The following SEPTIN11 variants were observed in gnomAD, a reference collection of about 807,000 sequenced individuals.
The protein encoded by SEPTIN11 is septin 11, also known as septin-11.
In SEPTIN11, 25 loss-of-function variants were observed where a neutral mutation model predicts 51.4. The observed-to-expected ratio is 0.49, with a 90% confidence interval of 0.35 to 0.68. The LOEUF (loss-of-function observed/expected upper bound fraction) is 0.68, where lower values mean the gene tolerates loss of function less well. SEPTIN11 is among the 30% of genes least tolerant of loss of function. The probability of loss-of-function intolerance (pLI) is 0.00; values close to 1 mark genes in which losing one functional copy is unlikely to be tolerated. For synonymous variants in SEPTIN11, 174 were observed against 184.1 expected, an observed-to-expected ratio of 0.95 and a Z score of 0.44; for missense variants, 381 against 520.8, an observed-to-expected ratio of 0.73 and a Z score of 2.61.
intron 1 of SEPTIN11, among the ~76,000 whole-genome samples, chr4:76,980,409 G>A (rs1722713316): frequency 1.3e-5 from 2 of 152,198 alleles, no homozygotes; most frequent in South Asian, 2.1e-4. Flanking sequence ...GGGCTAAAGG[G>A]TGGATAGGAA....
chr4:76,991,679 G>A (rs952071659), intron 1 of SEPTIN11, among the ~76,000 whole-genome samples: 1 of 152,146 alleles, frequency 6.6e-6, no homozygotes, highest in Admixed American at 6.5e-5. Flanking sequence ...AATTTCCCTA[G>A]ACAAAAACTA....
intron 8 of SEPTIN11, among the ~76,000 whole-genome samples, chr4:77,030,540 G>A (rs1726541045): frequency 6.6e-6 from 1 of 151,966 alleles, no homozygotes; most frequent in Admixed American, 6.6e-5. Flanking sequence ...GGGATTACAG[G>A]CACCCGCCAC....
At chr4:76,995,979 TC>T in intron 1 of SEPTIN11, 1 of 1,517,110 alleles carries the variant, frequency 6.6e-7, no homozygotes, top group Middle Eastern at 1.7e-4. Context: ...GTATGAATCC[TC>T]CACTGTGAGC....
intron 9 of SEPTIN11, among the ~76,000 whole-genome samples, chr4:77,033,882 C>A (rs920880982): frequency 6.6e-6 from 1 of 152,152 alleles, no homozygotes; most frequent in African/African-American, 2.4e-5. Context: ...AAATTAGACA[C>A]GTGGACCGTG....
chr4:77,003,429 C>G (rs926618392), intron 2 of SEPTIN11, among the ~76,000 whole-genome samples: 10 of 152,164 alleles, frequency 6.6e-5, no homozygotes, highest in Admixed American at 5.2e-4. Flanking sequence ...AGACCAGATT[C>G]TAAGATGTGG....
chr4:77,016,611 T>TTC (rs1725262987), intron 5 of SEPTIN11, among the ~76,000 whole-genome samples: 1 of 82,886 alleles, frequency 1.2e-5, no homozygotes, highest in Non-Finnish European at 2.2e-5. Context: ...TATATATATA[T>TTC]ACACATATAT....
At chr4:76,964,231 T>C (rs1424677492) in intron 1 of SEPTIN11, among the ~76,000 whole-genome samples, 1 of 150,760 alleles carries the variant, frequency 6.6e-6, no homozygotes, top group African/African-American at 2.4e-5. Flanking sequence ...TACACAAGAG[T>C]AGAGAAAATA....
At chr4:76,996,653 A>C (rs1425823317) in intron 2 of SEPTIN11, 114 bp downstream of exon 2, 1 of 810,572 alleles carries the variant, frequency 1.2e-6, no homozygotes, top group East Asian at 2.6e-5. Context: ...TCTTTCTTTC[A>C]TCAGTAAAAC....
chr4:76,962,771 A>C (rs1396175319), intron 1 of SEPTIN11, among the ~76,000 whole-genome samples: 2 of 152,212 alleles, frequency 1.3e-5, no homozygotes, highest in Non-Finnish European at 2.9e-5. Context: ...TTGGAAAGGC[A>C]AAGTTATTTT....
chr4:77,000,044 C>T (rs1724013782), intron 2 of SEPTIN11, among the ~76,000 whole-genome samples: 1 of 152,192 alleles, frequency 6.6e-6, no homozygotes, highest in Non-Finnish European at 1.5e-5. Flanking sequence ...ATGATACTAA[C>T]TCTACGAAAA....
intron 1 of SEPTIN11, among the ~76,000 whole-genome samples, chr4:76,950,418 C>T (rs1721280892): frequency 6.6e-6 from 1 of 152,208 alleles, no homozygotes; most frequent in African/African-American, 2.4e-5. Context: ...GCCTCCCCAG[C>T]GCATTGTGAG....
In SEPTIN11 at chr4:77,035,824, C is replaced by G; in HGVS notation, c.*1312C>G. ...GAAGAGTGCATATTTAATCTCTTTT[C>G]TATACTGCTCCTTTCTGATGCTTAT... On this transcript the variant is annotated 3_prime_UTR_variant, in exon 10 of 10. Transcript: ENST00000264893. 1.0e-6 allele frequency: 1 copy of G among 985,850 alleles called. No homozygotes were observed. 61.1% of individuals were successfully genotyped at this position (985,850 alleles called of 1,614,324 possible).
chr4:76,950,014 GC>G (rs1721251898), intron 1 of SEPTIN11, 84 bp downstream of exon 1: 1 of 1,286,916 alleles, frequency 7.8e-7, no homozygotes, highest in Non-Finnish European at 9.9e-7. Context: ...CCACAGGGGA[GC>G]CGGGCGGGTG....
At chr4:76,988,611 C>T (rs1489583673) in intron 1 of SEPTIN11, among the ~76,000 whole-genome samples, 12 of 152,174 alleles carry the variant, frequency 7.9e-5, no homozygotes, top group African/African-American at 2.9e-4. Context: ...TGAGCTTAAG[C>T]AAGATCCTCC....
intron 4 of SEPTIN11, among the ~76,000 whole-genome samples, chr4:77,013,880 C>G (rs1725039029): frequency 6.6e-6 from 1 of 152,132 alleles, no homozygotes; most frequent in South Asian, 2.1e-4. Context: ...GATCATAGTT[C>G]TATATATCGG....
At chr4:77,039,589 C>T (rs17002354), downstream of SEPTIN11, 8,464 of 985,094 alleles carry the variant, frequency 8.6e-3, 534 homozygotes, top group African/African-American at 0.14. Context: ...TCATAAGATC[C>T]GAGCAACATT....
chr4:76,978,485 C>G (rs1722607990), intron 1 of SEPTIN11, among the ~76,000 whole-genome samples: 1 of 152,136 alleles, frequency 6.6e-6, no homozygotes. Flanking sequence ...GGTAACTTTT[C>G]TAGACTCCCA....
chr4:76,979,473 A>G (rs1474496142), intron 1 of SEPTIN11, among the ~76,000 whole-genome samples: 1 of 152,204 alleles, frequency 6.6e-6, no homozygotes, highest in South Asian at 2.1e-4. Context: ...GAATCTGGCA[A>G]AACTGGTTTG....
At position 76,984,986 on chromosome 4, in the gene SEPTIN11, C is replaced by T. The variant is rs734655; in HGVS notation, c.28-11439C>T. 11,808 of 152,270 alleles carry T rather than the reference C, an allele frequency of 0.078. 629 individuals are homozygous for T. The highest frequency in any genetic ancestry group is 0.17 in the South Asian group (808 of 4,814). 9.4% of individuals were successfully genotyped at this position (152,270 alleles called of 1,614,324 possible). ...CTGCAACATCTGTTTCTAATTGGGT[C>T]GTGCCTTTATAAATACTTCTTGCCT... is the stretch of plus-strand genomic sequence containing the variant. On this transcript the variant is annotated intron_variant, in intron 1 of 9. Coordinates refer to ENST00000264893, the MANE Select transcript of SEPTIN11 (RefSeq NM_018243.4). The surrounding 1 kb of genome is among the most constrained non-coding windows in gnomAD (Gnocchi z 4.1).
Sources: gnomAD v4.1 joint callset for allele counts (sites outside exome capture counted in the v4.1 genomes callset) on GRCh38, gnomAD v4.1.1 for gene constraint, Gnocchi (gnomAD v3.1) non-coding constraint, MANE v1.5 for transcripts, NCBI Gene and HGNC (gene_info 2026-07-23, HGNC 2026-07-21) for gene names.